Variants in VPS13C observed in about 807,000 individuals in gnomAD.
VPS13C encodes vacuolar protein sorting 13 homolog C.
VPS13C carries 358 observed loss-of-function variants against 456.8 expected under a neutral mutation model. That is an observed-to-expected ratio of 0.78 (90% CI 0.72 to 0.86). The LOEUF (loss-of-function observed/expected upper bound fraction) is 0.86. Ranked by LOEUF, VPS13C falls within the 40% of genes least tolerant of loss-of-function variation. The pLI is 0.00. For synonymous variants in VPS13C, 1,578 were observed against 1,486.7 expected (o/e 1.06, Z -1.41); for missense variants, 4,818 against 4,385.4 (o/e 1.10, Z -2.79).
chr15:61,901,252 T>A (rs1270543266), intron 66 of VPS13C, among the ~76,000 whole-genome samples: 1 of 151,792 alleles, frequency 6.6e-6, no homozygotes, highest in Admixed American at 6.6e-5. Context: ...AAGACAAAAT[T>A]GACAAATGGG....
At chr15:61,953,877 G>A (rs1021324533) in intron 38 of VPS13C, among the ~76,000 whole-genome samples, 2 of 151,984 alleles carry the variant, frequency 1.3e-5, no homozygotes, top group East Asian at 1.9e-4. Flanking sequence ...CAGAGTTTTC[G>A]TGAAATAATT....
chr15:61,916,327 T>C (rs933209568), intron 60 of VPS13C, among the ~76,000 whole-genome samples: 2 of 152,194 alleles, frequency 1.3e-5, no homozygotes, highest in African/African-American at 4.8e-5. Flanking sequence ...CTGTTGTCCA[T>C]TAGAGCTATG....
chr15:61,881,722 T>A (rs753840877), intron 70 of VPS13C, 25 bp downstream of exon 70: 2 of 1,605,644 alleles, frequency 1.2e-6, no homozygotes, highest in Non-Finnish European at 1.7e-6. Flanking sequence ...AAGGTATATC[T>A]ATGTCACAAC....
Position 61,966,142 on chromosome 15 carries a change from C to T in VPS13C, c.2992G>A (p.Ala998Thr), listed in dbSNP as rs2045367772. The T allele has an allele frequency of 6.3e-7, 1 of 1,598,192 alleles. No individual in the cohort carries two copies. Among genetic ancestry groups the T allele is most frequent in the African/African-American group, 1.3e-5 (1 of 74,182 alleles). Reference protein sequence around the residue: ...LDLLKVEYIKADKNGPSFQTA... With the variant: ...LDLLKVEYIKTDKNGPSFQTA... Reference sequence around the variant, plus strand: ...TGAAAACTAGGTCCATTCTTATCAGCCTGAAAAAAGAAGTAAAAGTTCTAA... The same window carrying T: ...TGAAAACTAGGTCCATTCTTATCAGTCTGAAAAAAGAAGTAAAAGTTCTAA... Residue 998 changes from alanine (A) to threonine (T), a missense_variant and splice_region_variant, in exon 30 of 85, where the codon GCT becomes ACT. Ala to Thr is a moderately conservative substitution (Grantham distance 58). This residue lies in a region of VPS13C where 4,552 missense variants were observed against 4,130.6 expected (regional missense o/e 1.10). Transcript: ENST00000644861.
At chr15:61,861,630 A>G (rs1894231635) in intron 82 of VPS13C, among the ~76,000 whole-genome samples, 2 of 152,202 alleles carry the variant, frequency 1.3e-5, no homozygotes, top group African/African-American at 4.8e-5. Flanking sequence ...ACTTGAGTCC[A>G]GGAGTTTGAG....
At chr15:62,032,879 A>G (rs1230222478) in intron 5 of VPS13C, among the ~76,000 whole-genome samples, 1 of 151,816 alleles carries the variant, frequency 6.6e-6, no homozygotes, top group Non-Finnish European at 1.5e-5. Flanking sequence ...CTTGCTCTAT[A>G]AACCAAACAA....
intron 13 of VPS13C, 42 bp downstream of exon 13, chr15:62,010,430 T>C: frequency 2.6e-6 from 4 of 1,519,554 alleles, no homozygotes; most frequent in Middle Eastern, 1.8e-4. Context: ...GCAGTCAAGA[T>C]TCAAGGCTAA....
chr15:61,937,575 C>T (rs1363920994), intron 47 of VPS13C, among the ~76,000 whole-genome samples: 2 of 152,262 alleles, frequency 1.3e-5, no homozygotes, highest in Admixed American at 1.3e-4. Flanking sequence ...CCCAGGTTCA[C>T]GCCATTCTCC....
chr15:61,861,450 C>T (rs913441506), intron 82 of VPS13C, among the ~76,000 whole-genome samples: 1 of 152,140 alleles, frequency 6.6e-6, no homozygotes, highest in African/African-American at 2.4e-5. Flanking sequence ...CACAGTATGG[C>T]CCTTAAAGTC....
rs144497439 is a variant in VPS13C at position 61,980,733 on chromosome 15, C to G, written c.2166+609G>C. Among the ~76,000 whole-genome samples the G allele has an allele frequency of 3.9e-3, 594 of 152,228 alleles. 3 individuals are homozygous for G. The highest frequency in any genetic ancestry group is 9.3e-3 in the South Asian group (45 of 4,824). On this transcript the variant is annotated intron_variant, in intron 22 of 84. Transcript: ENST00000644861. ...TGATTAAATTCCCAGGACCCTCAATCCTTGAGAGATGGACTAAATGGCTGG... is the reference window on the plus strand; with the variant it reads ...TGATTAAATTCCCAGGACCCTCAATGCTTGAGAGATGGACTAAATGGCTGG...
chr15:61,900,160 T>C (rs2042953038), intron 66 of VPS13C, among the ~76,000 whole-genome samples: 1 of 152,164 alleles, frequency 6.6e-6, no homozygotes, highest in African/African-American at 2.4e-5. Flanking sequence ...AATATCATAC[T>C]GAATGGGCAA....
At chr15:61,865,049 C>T (rs1894446295) in intron 81 of VPS13C, 1 of 984,544 alleles carries the variant, frequency 1.0e-6, no homozygotes, top group South Asian at 4.7e-5. Context: ...TTGTCTTCAG[C>T]ACTACTAAAA....
chr15:61,910,348 T>C, intron 63 of VPS13C, 43 bp from the exon 64 acceptor site: 2 of 1,340,210 alleles, frequency 1.5e-6, no homozygotes, highest in Non-Finnish European at 1.9e-6. Flanking sequence ...ACAATACCGT[T>C]ATATAATAAA....
At position 61,984,875 on chromosome 15, in the gene VPS13C, G is replaced by C; in HGVS notation, c.1703C>G (p.Pro568Arg). The change falls in exon 19 of 85, where the codon CCA (proline) becomes CGA (arginine). Residue 568 changes from proline to arginine, a missense_variant. Transcript: ENST00000644861. ...AACTTACTTAAGTGCTTGTGCTCCT[G>C]GTCGCTGAGATACTTGAGTGCCCAG... ...IGLGTQVSQR[P>R]GAQALKVEAK... 2 of 1,613,098 alleles carry C rather than the reference G, an allele frequency of 1.2e-6. No homozygotes were observed. The highest frequency in any genetic ancestry group is 2.7e-5 in the African/African-American group (2 of 74,966).
intron 5 of VPS13C, among the ~76,000 whole-genome samples, chr15:62,031,030 A>G (rs1236665133): frequency 6.6e-6 from 1 of 152,148 alleles, no homozygotes; most frequent in Non-Finnish European, 1.5e-5. Flanking sequence ...TCTTTATGAT[A>G]GCCTTCCAGA....
intron 82 of VPS13C, among the ~76,000 whole-genome samples, chr15:61,857,646 T>C (rs1021045745): frequency 6.6e-6 from 1 of 152,190 alleles, no homozygotes; most frequent in Non-Finnish European, 1.5e-5. Flanking sequence ...TATTTTAGAT[T>C]CACGGTTCTG....
chr15:61,913,717 A>G (rs2043372909), intron 61 of VPS13C, among the ~76,000 whole-genome samples: 1 of 152,210 alleles, frequency 6.6e-6, no homozygotes, highest in Non-Finnish European at 1.5e-5. Context: ...ATTATAATGC[A>G]AAACGATGTT....
At chr15:61,972,273 A>G (rs932819090) in intron 27 of VPS13C, among the ~76,000 whole-genome samples, 62 of 152,208 alleles carry the variant, frequency 4.1e-4, no homozygotes, top group African/African-American at 1.4e-3. Context: ...GATAATGAGC[A>G]ATATTATTTA....
chr15:61,886,084 T>C (rs1397025622), intron 67 of VPS13C, among the ~76,000 whole-genome samples: 1 of 152,194 alleles, frequency 6.6e-6, no homozygotes, highest in East Asian at 1.9e-4. Context: ...TTTCTCTGGA[T>C]ACATTTCTTT....
Sources: gnomAD v4.1 joint callset for allele counts (sites outside exome capture counted in the v4.1 genomes callset) on GRCh38, gnomAD v4.1.1 for gene constraint, gnomAD v4.1.1 regional missense constraint, MANE v1.5 for transcripts, NCBI Gene and HGNC (gene_info 2026-07-23, HGNC 2026-07-21) for gene names.